LTBP1: variants seen among roughly 807,000 people sequenced by gnomAD.
LTBP1 encodes latent transforming growth factor beta binding protein 1, also known as latent-transforming growth factor beta-binding protein 1.
Under a neutral mutation model 207.6 loss-of-function variants are expected in LTBP1, and 129 were observed. That is an observed-to-expected ratio of 0.62 (90% CI 0.54 to 0.72). The LOEUF is 0.72. Among genes scored for constraint, LTBP1 ranks in the 30% least tolerant of loss-of-function variants. The pLI, the probability that LTBP1 is intolerant of heterozygous loss-of-function variation, is 0.00. For missense variants in LTBP1, 2,281 were observed against 2,217.2 expected (o/e 1.03, Z -0.58); for synonymous variants, 963 against 833.7 (o/e 1.16, Z -2.67).
At chr2:33,173,423 T>G (rs1043251132) in intron 5 of LTBP1, among the ~76,000 whole-genome samples, 1 of 152,210 alleles carries the variant, frequency 6.6e-6, no homozygotes, top group Non-Finnish European at 1.5e-5. Flanking sequence ...GATAAATTCC[T>G]TGACACATAC....
chr2:33,262,960 AT>A, intron 14 of LTBP1, 139 bp downstream of exon 14: 3 of 550,412 alleles, frequency 5.5e-6, no homozygotes, highest in Non-Finnish European at 9.6e-6. Flanking sequence ...TAATATACTT[AT>A]ATAATGTTAG....
At chr2:32,991,162 G>A (rs986793806) in intron 2 of LTBP1, among the ~76,000 whole-genome samples, 26 of 152,018 alleles carry the variant, frequency 1.7e-4, no homozygotes, top group African/African-American at 6.0e-4. Flanking sequence ...AAAAAGTTAC[G>A]AAACAGAAGA....
intron 19 of LTBP1, among the ~76,000 whole-genome samples, chr2:33,289,065 A>G (rs909024425): frequency 2.6e-5 from 4 of 152,202 alleles, no homozygotes; most frequent in African/African-American, 9.6e-5. Flanking sequence ...TTCCTGATAC[A>G]GTGATTAGAT....
chr2:33,312,459 C>T (rs776032759), intron 23 of LTBP1, among the ~76,000 whole-genome samples: 5 of 152,264 alleles, frequency 3.3e-5, no homozygotes, highest in Non-Finnish European at 7.4e-5. Flanking sequence ...ATTTGAGATT[C>T]AGAATGCAGT....
At chr2:33,152,450 A>T (rs957819886) in intron 5 of LTBP1, among the ~76,000 whole-genome samples, 19 of 152,282 alleles carry the variant, frequency 1.2e-4, no homozygotes, top group Middle Eastern at 6.8e-3. Flanking sequence ...AACAGGGAAC[A>T]CTTGTACACT....
At chr2:32,960,055 C>T (rs183624880) in intron 2 of LTBP1, among the ~76,000 whole-genome samples, 2 of 152,176 alleles carry the variant, frequency 1.3e-5, no homozygotes, top group Admixed American at 6.5e-5. Flanking sequence ...TTAAATGAGC[C>T]GAGACTTATC....
chr2:33,362,536 C>A (rs1035725652), intron 28 of LTBP1, among the ~76,000 whole-genome samples: 3 of 152,034 alleles, frequency 2.0e-5, no homozygotes, highest in African/African-American at 7.2e-5. Flanking sequence ...AAATAAATTC[C>A]TTGTCTTCCT....
chr2:33,128,256 G>T (rs1046078672), intron 4 of LTBP1, among the ~76,000 whole-genome samples: 10 of 152,194 alleles, frequency 6.6e-5, no homozygotes, highest in Admixed American at 3.3e-4. Context: ...CAAATGTGGG[G>T]ATAAATAAAA....
chr2:33,268,089 A>G (rs1215827711), intron 15 of LTBP1, among the ~76,000 whole-genome samples: 1 of 152,212 alleles, frequency 6.6e-6, no homozygotes, highest in African/African-American at 2.4e-5. Flanking sequence ...CCATAGGGGG[A>G]ACAGTATAGA....
At chr2:33,028,781 T>C (rs1193600212) in intron 3 of LTBP1, among the ~76,000 whole-genome samples, 1 of 152,200 alleles carries the variant, frequency 6.6e-6, no homozygotes, top group Non-Finnish European at 1.5e-5. Context: ...CTGTGTCTTA[T>C]GTTCTTGACC....
chr2:33,068,083 A>G (rs1180610108), intron 3 of LTBP1, among the ~76,000 whole-genome samples: 1 of 149,562 alleles, frequency 6.7e-6, no homozygotes, highest in Non-Finnish European at 1.5e-5. Flanking sequence ...AGGTGTGTGA[A>G]AAGACATTTT....
intron 2 of LTBP1, among the ~76,000 whole-genome samples, chr2:32,995,681 C>G (rs1558489682): frequency 6.6e-6 from 1 of 152,114 alleles, no homozygotes. Flanking sequence ...CCCAGCTACT[C>G]AGGAGGCTGA....
chr2:33,073,283 TTTG>T (rs914993812), intron 3 of LTBP1, among the ~76,000 whole-genome samples: 39 of 37,126 alleles, frequency 1.1e-3, no homozygotes, highest in Admixed American at 7.7e-3. Context: ...CAGTGTTTTT[TTTG>T]TTTTTGTTTT....
intron 2 of LTBP1, among the ~76,000 whole-genome samples, chr2:32,979,647 A>G (rs977507038): frequency 6.6e-6 from 1 of 152,160 alleles, no homozygotes; most frequent in Non-Finnish European, 1.5e-5. Flanking sequence ...AAGAATGTAT[A>G]TTCTGTAGCC....
chr2:33,255,381 G>A (rs987038622), intron 11 of LTBP1, among the ~76,000 whole-genome samples: 1 of 151,982 alleles, frequency 6.6e-6, no homozygotes, highest in African/African-American at 2.4e-5. Flanking sequence ...TACACTGTTG[G>A]TGGGACTGTA....
At chr2:33,142,323 T>C (rs956012370) in intron 5 of LTBP1, among the ~76,000 whole-genome samples, 1 of 152,048 alleles carries the variant, frequency 6.6e-6, no homozygotes, top group African/African-American at 2.4e-5. Context: ...CCAAAGTGCT[T>C]GGATTACAGG....
At chr2:33,396,418 C>T (rs953578263) in intron 32 of LTBP1, among the ~76,000 whole-genome samples, 4 of 152,130 alleles carry the variant, frequency 2.6e-5, no homozygotes, top group Non-Finnish European at 5.9e-5. Context: ...GACAGGGTTT[C>T]ACCATGTTGG....
rs2075128671 is a variant in LTBP1 at position 33,020,795 on chromosome 2, G to T, written c.566-114G>T. On this transcript the variant is annotated intron_variant, in intron 2 of 33. Transcript: ENST00000404816. ...CCCACCTTCCTCCTTATGAGTATTT[G>T]TGTGGTTTTTTATTGGAGAACAAAC... 3.0e-6 allele frequency: 3 copies of T among 1,014,168 alleles called. No individual in the cohort carries two copies. In the East Asian group the frequency reaches 7.3e-5, roughly 25 times the overall value. 62.8% of individuals were successfully genotyped at this position (1,014,168 alleles called of 1,614,324 possible). A position where few individuals can be genotyped will look rare whatever the true frequency, so the allele number is the denominator to read the frequency against.
At chr2:33,158,148 C>CAAAAAAAAAAAAAA (rs59789805) in intron 5 of LTBP1, among the ~76,000 whole-genome samples, 4 of 113,890 alleles carry the variant, frequency 3.5e-5, no homozygotes, top group Admixed American at 1.0e-4. Flanking sequence ...AAAAAAAAAA[C>CAAAAAAAAAAAAAA]AAAAAAAAAA....
Sources: gnomAD v4.1 joint callset for allele counts (sites outside exome capture counted in the v4.1 genomes callset) on GRCh38, gnomAD v4.1.1 for gene constraint, MANE v1.5 for transcripts, NCBI Gene and HGNC (gene_info 2026-07-23, HGNC 2026-07-21) for gene names.